YTHDC1: variants seen among roughly 807,000 people sequenced by gnomAD.
YTHDC1 encodes the protein YTH domain-containing protein 1.
A neutral mutation model predicts 107.0 loss-of-function variants in YTHDC1; 12 were observed. That is an observed-to-expected ratio of 0.11 (90% CI 0.07 to 0.18). YTHDC1 has a LOEUF of 0.18. Ranked by LOEUF, YTHDC1 falls within the 10% of genes least tolerant of loss-of-function variation. The probability of loss-of-function intolerance (pLI) is 1.00; values close to 1 mark genes in which losing one functional copy is unlikely to be tolerated. For missense variants in YTHDC1, 635 were observed against 898.8 expected, an observed-to-expected ratio of 0.71 and a Z score of 3.75; for synonymous variants, 280 against 289.5, an observed-to-expected ratio of 0.97 and a Z score of 0.33.
rs1721280326 is a variant in YTHDC1, at chr4:68,311,208, G to C, written c.*2891C>G. 6.6e-6 allele frequency: 1 copy of C among 152,064 alleles called. No homozygotes were observed. The highest frequency in any genetic ancestry group is 2.4e-5 in the African/African-American group (1 of 41,392). The allele number at this position is 152,064 out of a possible 1,614,324, so 9.4% of individuals were successfully genotyped here. On this transcript the variant is annotated 3_prime_UTR_variant, in exon 17 of 17. Transcript: ENST00000344157. ...TTTGGGGAACTGACATGGACACTGG[G>C]AGGAAAATAGTCTCTCTCCTGCCAC...
rs1436700885 is a variant in YTHDC1 at position 68,337,620 on chromosome 4, T to C, written c.411A>G (p.Lys137=). Reference sequence around the variant, plus strand: ...ATTTGGCCCTCCTTTCAGGATCCCTTTTCCGGACACAGGTTTTTTCAGGTT... The same window carrying C: ...ATTTGGCCCTCCTTTCAGGATCCCTCTTCCGGACACAGGTTTTTTCAGGTT... The part of the protein sequence containing the change: ...KNQPEKTCVR[K]RDPERRAKSP... Residue 137 remains lysine (K), a synonymous_variant, in exon 3 of 17, where the codon AAA becomes AAG. Coordinates refer to ENST00000344157, the MANE Select transcript of YTHDC1 (RefSeq NM_001031732.4). 2 of 1,612,974 alleles carry C rather than the reference T, an allele frequency of 1.2e-6. No individual in the cohort carries two copies. Among genetic ancestry groups the C allele is most frequent in the Admixed American group, 3.4e-5 (2 of 59,678 alleles).
chr4:68,339,692 C>G (rs567154923), intron 1 of YTHDC1, among the ~76,000 whole-genome samples: 2 of 152,106 alleles, frequency 1.3e-5, no homozygotes, highest in Non-Finnish European at 2.9e-5. Flanking sequence ...AAATTCTTCA[C>G]ACTGCACTTG....
At chr4:68,345,245 C>T (rs1190360534) in intron 1 of YTHDC1, among the ~76,000 whole-genome samples, 4 of 152,044 alleles carry the variant, frequency 2.6e-5, no homozygotes, top group African/African-American at 9.7e-5. Context: ...TAACCTTTAT[C>T]TGGGACAGTC....
At chr4:68,324,018 A>AT (rs1189051848) in intron 10 of YTHDC1, 121 bp downstream of exon 10, 2 of 816,052 alleles carry the variant, frequency 2.5e-6, no homozygotes, top group African/African-American at 1.7e-5. Context: ...AGATAAGATT[A>AT]TTTTTTCAAA....
intron 1 of YTHDC1, among the ~76,000 whole-genome samples, chr4:68,349,473 A>C (rs1553908872): frequency 5.9e-5 from 9 of 152,210 alleles, no homozygotes; most frequent in Admixed American, 5.9e-4. Flanking sequence ...AGCTAAACGG[A>C]AAGTCAAGCG....
chr4:68,342,695 C>T (rs998811448), intron 1 of YTHDC1, among the ~76,000 whole-genome samples: 1 of 152,132 alleles, frequency 6.6e-6, no homozygotes, highest in African/African-American at 2.4e-5. Context: ...TGGCCATATT[C>T]TTCACTGACT....
chr4:68,328,897 G>C (rs1723275349), intron 9 of YTHDC1, among the ~76,000 whole-genome samples: 1 of 152,174 alleles, frequency 6.6e-6, no homozygotes, highest in South Asian at 2.1e-4. Context: ...ATTGAATAGT[G>C]TAGGTAAATG....
At chr4:68,333,181 AC>A in intron 5 of YTHDC1, 126 bp downstream of exon 5, 1 of 689,472 alleles carries the variant, frequency 1.5e-6, no homozygotes, top group Non-Finnish European at 2.5e-6. Context: ...TAGAATTATT[AC>A]ACTGAACATG....
At position 68,324,122 on chromosome 4, in the gene YTHDC1, C is replaced by T; in HGVS notation, c.1434+17G>A. 1 of 1,599,908 alleles carries T rather than the reference C, an allele frequency of 6.3e-7. No individual in the cohort carries two copies. The highest frequency in any genetic ancestry group is 8.5e-7 in the Non-Finnish European group (1 of 1,172,144). On this transcript the variant is annotated intron_variant, in intron 10 of 16. Coordinates refer to ENST00000344157, the MANE Select transcript of YTHDC1 (RefSeq NM_001031732.4). ...GATTAAATGTGTTTTTTTAAAGAATCAATTAAGGCCACAAACCTGTCCATC... is the reference window on the plus strand; with the variant it reads ...GATTAAATGTGTTTTTTTAAAGAATTAATTAAGGCCACAAACCTGTCCATC...
In YTHDC1 at chr4:68,349,771, C is replaced by T; in HGVS notation, c.-18G>A. 2 of 1,612,520 alleles carry T rather than the reference C, an allele frequency of 1.2e-6. No homozygotes were observed. The highest frequency in any genetic ancestry group is 1.7e-6 in the Non-Finnish European group (2 of 1,179,634). ...GCCGCCATGGCTCCCCTTCGGTTTC[C>T]GCCGCTGCCACCGCCGCCGCCGCTT... On this transcript the variant is annotated 5_prime_UTR_variant, in exon 1 of 17. Coordinates refer to ENST00000344157, the MANE Select transcript of YTHDC1 (RefSeq NM_001031732.4).
Position 68,337,246 on chromosome 4 carries a change from C to T in YTHDC1, c.664G>A (p.Asp222Asn), listed in dbSNP as rs1035159674. The T allele has an allele frequency of 9.3e-6, 15 of 1,607,168 alleles. No homozygotes were observed. Among genetic ancestry groups the T allele is most frequent in the Non-Finnish European group, 1.1e-5 (13 of 1,175,050 alleles). Reference protein sequence around the residue: ...DEEVEEDAEEDEEVDEDGEEE... With the variant: ...DEEVEEDAEENEEVDEDGEEE... ...TCTCCATCTTCATCCACCTCTTCAT[C>T]TTCTTCTGCATCTTCTTCTACTTCT... Residue 222 changes from aspartate to asparagine, a missense_variant, in exon 4 of 17, where the codon GAT (aspartate) becomes AAT (asparagine). Around this residue, in one of 5 missense-constraint regions of YTHDC1, gnomAD observed 294 missense variants for 312.3 expected, o/e 0.94. Coordinates refer to ENST00000344157, the MANE Select transcript of YTHDC1 (RefSeq NM_001031732.4).
intron 2 of YTHDC1, 105 bp from the exon 3 acceptor site, chr4:68,338,005 T>C: frequency 1.4e-6 from 2 of 1,473,838 alleles, no homozygotes; most frequent in Non-Finnish European, 1.8e-6. Context: ...GGGATAGGCC[T>C]CATTTCTTTA....
At chr4:68,332,876 G>T (rs1273185226) in intron 5 of YTHDC1, 29 bp from the exon 6 acceptor site, 1 of 1,600,290 alleles carries the variant, frequency 6.2e-7, no homozygotes, top group Non-Finnish European at 8.6e-7. Context: ...CATTTGTTCA[G>T]ATTGAGCTTT....
intron 1 of YTHDC1, among the ~76,000 whole-genome samples, chr4:68,348,738 A>G (rs1266360504): frequency 6.6e-6 from 1 of 152,146 alleles, no homozygotes; most frequent in Non-Finnish European, 1.5e-5. Flanking sequence ...CCCACTTAAC[A>G]ACCCCCGACA....
At chr4:68,342,057 C>T (rs1724863539) in intron 1 of YTHDC1, among the ~76,000 whole-genome samples, 1 of 152,108 alleles carries the variant, frequency 6.6e-6, no homozygotes, top group Admixed American at 6.6e-5. Flanking sequence ...AACAAAATTC[C>T]TTCTTCAACA....
Position 68,322,907 on chromosome 4 carries a change from T to C in YTHDC1, c.1443A>G (p.Glu481=), listed in dbSNP as rs1722587185. 1 of 1,613,370 alleles carries C rather than the reference T, an allele frequency of 6.2e-7. No individual in the cohort carries two copies. Among genetic ancestry groups the C allele is most frequent in the Admixed American group, 1.7e-5 (1 of 59,980 alleles). The change falls in exon 11 of 17, where the codon GAA becomes GAG. Residue 481 remains glutamate (E), a synonymous_variant. Coordinates refer to ENST00000344157, the MANE Select transcript of YTHDC1 (RefSeq NM_001031732.4). The surrounding 1 kb of genome is among the most constrained non-coding windows in gnomAD (Gnocchi z 4.8). ...VKIGRDGQEI[E]LECGTQLCLL... ...GACAAAGCTGGGTTCCACATTCAAG[T>C]TCAATTTCCTAGAATAGGAAAGTAG...
At position 68,337,218 on chromosome 4, in the gene YTHDC1, T is replaced by G. The variant is rs1724279002; in HGVS notation, c.692A>C (p.Glu231Ala). ...TTCCTCCTCCTCCTCTTCCTCCTCC[T>G]CCTCTCCATCTTCATCCACCTCTTC... ...EDEEVDEDGE[E>A]EEEEEEEEEE... The change falls in exon 4 of 17, where the codon GAG (glutamate) becomes GCG (alanine). Residue 231 changes from glutamate to alanine, a missense_variant. By Grantham distance (107) the Glu-to-Ala change is moderately radical. Around this residue, in one of 5 missense-constraint regions of YTHDC1, gnomAD observed 294 missense variants for 312.3 expected, o/e 0.94. Coordinates refer to ENST00000344157, the MANE Select transcript of YTHDC1 (RefSeq NM_001031732.4). The G allele has an allele frequency of 6.2e-6, 10 of 1,601,680 alleles. No individual in the cohort carries two copies. The highest frequency in any genetic ancestry group is 3.4e-5 in the Admixed American group (2 of 59,500).
chr4:68,330,367 C>T lies in YTHDC1; in HGVS notation c.1123-57G>A, dbSNP rs963393968. 24 of 1,211,210 alleles carry T rather than the reference C, an allele frequency of 2.0e-5. No individual in the cohort carries two copies. In the Admixed American group the frequency reaches 6.2e-4, roughly 32 times the overall value. The allele number at this position is 1,211,210 out of a possible 1,614,324, so 75.0% of individuals were successfully genotyped here. ...AATTAACTACAACTCTTTTGTGTTT[C>T]CAGTTATGTTTGAAAAAAAACTACA... is the stretch of plus-strand genomic sequence containing the variant. On this transcript the variant is annotated intron_variant, in intron 7 of 16. Coordinates refer to ENST00000344157, the MANE Select transcript of YTHDC1 (RefSeq NM_001031732.4).
rs776645150 is a variant in YTHDC1 at position 68,347,494 on chromosome 4, TAG to T, written c.28+2230_28+2231del. Among the ~76,000 whole-genome samples the T allele has an allele frequency of 8.5e-5, 13 of 152,322 alleles. 2 individuals carry two copies. In the South Asian group the frequency reaches 2.7e-3, roughly 32 times the overall value. On this transcript the variant is annotated intron_variant, in intron 1 of 16. Coordinates refer to ENST00000344157, the MANE Select transcript of YTHDC1 (RefSeq NM_001031732.4). Reference sequence around the variant, plus strand: ...TATGAGTATTATTGAAGCATTGTTATAGATTATAGAAATTCATGTCTTTATTA... The same window carrying T: ...TATGAGTATTATTGAAGCATTGTTATATTATAGAAATTCATGTCTTTATTA...
Sources: gnomAD v4.1 joint callset for allele counts (sites outside exome capture counted in the v4.1 genomes callset) on GRCh38, gnomAD v4.1.1 for gene constraint, gnomAD v4.1.1 regional missense constraint, Gnocchi (gnomAD v3.1) non-coding constraint, MANE v1.5 for transcripts, NCBI Gene and HGNC (gene_info 2026-07-23, HGNC 2026-07-21) for gene names.